The following UMAD1 variants were observed in gnomAD, a reference collection of about 807,000 sequenced individuals.
UMAD1 encodes the protein UBAP1-MVB12-associated (UMA) domain containing 1, also known as UBAP1-MVB12-associated (UMA)-domain containing protein 1.
UMAD1 carries 8 observed loss-of-function variants against 6.1 expected under a neutral mutation model. The observed-to-expected ratio is 1.30, with a 90% CI of 0.76 to 2.35. The LOEUF (loss-of-function observed/expected upper bound fraction) is 2.35, where lower values mean the gene tolerates loss of function less well. Among genes scored for constraint, UMAD1 ranks in the 30% most tolerant of loss-of-function variants. The probability of loss-of-function intolerance (pLI) is 0.00; values close to 1 mark genes in which losing one functional copy is unlikely to be tolerated. For synonymous variants in UMAD1, 56 were observed against 31.4 expected (o/e 1.78, Z -2.61); for missense variants, 130 against 78.4 (o/e 1.66, Z -2.49).
intron 1 of UMAD1, among the ~76,000 whole-genome samples, chr7:7,665,258 T>C (rs17169361): frequency 0.059 from 8,922 of 152,310 alleles, 340 homozygotes; most frequent in Middle Eastern, 0.14. Context: ...AGTGCTCTCC[T>C]ACCTCTATTC....
rs974937339 is a variant in UMAD1 at position 7,708,828 on chromosome 7, A to C, written c.82+35375A>C. ...ATATGTGGTTTAAAGGGAAGTTATA[A>C]CAAGACACCAAATGCATATGTATAT... On this transcript the variant is annotated intron_variant, in intron 2 of 3. Transcript: ENST00000682710. Among the ~76,000 whole-genome samples the C allele has an allele frequency of 3.9e-5, 6 of 152,260 alleles. No homozygotes were observed. The East Asian group carries it at 1.2e-3, about 29-fold the overall frequency.
At chr7:7,727,639 T>C (rs1781166258) in intron 2 of UMAD1, among the ~76,000 whole-genome samples, 1 of 152,100 alleles carries the variant, frequency 6.6e-6, no homozygotes, top group South Asian at 2.1e-4. Context: ...TTAATCTGGG[T>C]GAACACCCTC....
intron 2 of UMAD1, among the ~76,000 whole-genome samples, chr7:7,773,740 T>G (rs951361687): frequency 6.6e-6 from 1 of 152,166 alleles, no homozygotes; most frequent in African/African-American, 2.4e-5. Flanking sequence ...TTAAAACATT[T>G]TTATATGTTG....
intron 2 of UMAD1, among the ~76,000 whole-genome samples, chr7:7,680,933 G>GT (rs753426747): frequency 4.6e-5 from 7 of 151,772 alleles, no homozygotes; most frequent in East Asian, 3.9e-4. Flanking sequence ...AGTTCTGATA[G>GT]TTTTTTTAGT....
At chr7:7,685,530 A>G (rs1780024316) in intron 2 of UMAD1, among the ~76,000 whole-genome samples, 1 of 152,116 alleles carries the variant, frequency 6.6e-6, no homozygotes, top group African/African-American at 2.4e-5. Context: ...GATGGTCTCC[A>G]TATCCTGACC....
chr7:7,713,794 C>T (rs28912686), intron 2 of UMAD1, among the ~76,000 whole-genome samples: 1,701 of 152,098 alleles, frequency 0.011, 35 homozygotes, highest in African/African-American at 0.037. Context: ...TATTTCCATT[C>T]GTTTGTCATT....
At chr7:7,721,236 G>A (rs529105971) in intron 2 of UMAD1, among the ~76,000 whole-genome samples, 1 of 152,302 alleles carries the variant, frequency 6.6e-6, no homozygotes, top group African/African-American at 2.4e-5. Context: ...AAGCCACCAC[G>A]TTTGTACCAT....
chr7:7,855,630 C>T (rs1784002288), intron 3 of UMAD1, among the ~76,000 whole-genome samples: 1 of 152,220 alleles, frequency 6.6e-6, no homozygotes, highest in African/African-American at 2.4e-5. Context: ...CCTAGGCCTC[C>T]AGGCCTGTGG....
intron 1 of UMAD1, among the ~76,000 whole-genome samples, chr7:7,649,640 A>T (rs1785178103): frequency 6.6e-6 from 1 of 151,394 alleles, no homozygotes; most frequent in Non-Finnish European, 1.5e-5. Context: ...CTTTAATGTT[A>T]TCAGTCTGTG....
chr7:7,640,978 C>G (rs933665907), intron 1 of UMAD1, 157 bp downstream of exon 1: 2 of 153,662 alleles, frequency 1.3e-5, no homozygotes, highest in Non-Finnish European at 2.9e-5. Context: ...TTCCCTCTTG[C>G]CAGTTCTGCG....
intron 2 of UMAD1, among the ~76,000 whole-genome samples, chr7:7,739,937 G>A (rs867206300): frequency 2.0e-5 from 3 of 152,248 alleles, no homozygotes; most frequent in African/African-American, 4.8e-5. Flanking sequence ...ATCTGAGTCA[G>A]CATCCTTGCT....
At chr7:7,711,299 A>G (rs1358383783) in intron 2 of UMAD1, among the ~76,000 whole-genome samples, 1 of 152,210 alleles carries the variant, frequency 6.6e-6, no homozygotes. Context: ...TGCTGTTACA[A>G]ACATCCTTGT....
Position 7,877,610 on chromosome 7 carries a change from T to G in UMAD1, c.*72T>G. 1 of 672,034 alleles carries G rather than the reference T, an allele frequency of 1.5e-6. No individual in the cohort carries two copies. The highest frequency in any genetic ancestry group is 2.1e-5 in the Admixed American group (1 of 48,222). The allele number at this position is 672,034 out of a possible 1,614,324, so 41.6% of individuals were successfully genotyped here. On this transcript the variant is annotated 3_prime_UTR_variant, in exon 4 of 4. Coordinates refer to ENST00000682710, the MANE Select transcript of UMAD1 (RefSeq NM_001302348.2). ...ATTTTATCTAACCTGTTTGATGTTC[T>G]TTGCCGTTTCACTGTTTAAGGTCCT...
chr7:7,748,936 C>T (rs1240130048), intron 2 of UMAD1, among the ~76,000 whole-genome samples: 1 of 151,944 alleles, frequency 6.6e-6, no homozygotes, highest in African/African-American at 2.4e-5. Flanking sequence ...CTCTTTTATC[C>T]CTCCTTTTCT....
intron 2 of UMAD1, among the ~76,000 whole-genome samples, chr7:7,760,418 T>TACAA (rs1405735229): frequency 2.4e-5 from 2 of 84,244 alleles, no homozygotes; most frequent in African/African-American, 9.4e-5. Context: ...TACAAAATAA[T>TACAA]AATAATAATA....
chr7:7,692,912 G>A (rs1220440957), intron 2 of UMAD1, among the ~76,000 whole-genome samples: 1 of 152,116 alleles, frequency 6.6e-6, no homozygotes, highest in Non-Finnish European at 1.5e-5. Flanking sequence ...TGGCCAAAAT[G>A]TGGCTTTTAA....
At chr7:7,663,826 A>G (rs1243342900) in intron 1 of UMAD1, among the ~76,000 whole-genome samples, 1 of 152,202 alleles carries the variant, frequency 6.6e-6, no homozygotes, top group Non-Finnish European at 1.5e-5. Context: ...ATGCATGACT[A>G]TCAGTTTTAT....
At chr7:7,674,291 C>G (rs1428172503) in intron 2 of UMAD1, among the ~76,000 whole-genome samples, 3 of 152,174 alleles carry the variant, frequency 2.0e-5, no homozygotes, top group African/African-American at 7.2e-5. Flanking sequence ...CTCTTACTTC[C>G]TTTATCTTGG....
At chr7:7,693,592 G>T (rs1233920229) in intron 2 of UMAD1, among the ~76,000 whole-genome samples, 1 of 151,932 alleles carries the variant, frequency 6.6e-6, no homozygotes, top group Non-Finnish European at 1.5e-5. Flanking sequence ...AAACATTAAG[G>T]TCTATTTTAA....
Sources: allele counts gnomAD v4.1 joint callset (sites outside exome capture counted in the v4.1 genomes callset), GRCh38; gene constraint gnomAD v4.1.1; transcripts MANE v1.5; gene names NCBI Gene and HGNC (gene_info 2026-07-23, HGNC 2026-07-21).